The following CCDC9 variants were observed in gnomAD, a reference collection of about 807,000 sequenced individuals.
CCDC9 encodes the protein coiled-coil domain-containing protein 9.
A neutral mutation model predicts 65.6 loss-of-function variants in CCDC9; 52 were observed. That is an observed-to-expected ratio of 0.79 (90% CI 0.63 to 1.00). The LOEUF is 1.00. Among genes scored for constraint, CCDC9 ranks in the 50% least tolerant of loss-of-function variants. CCDC9 has a pLI of 0.00. For synonymous variants in CCDC9, 332 were observed against 280.3 expected (o/e 1.18, Z -1.84); for missense variants, 834 against 757.2 (o/e 1.10, Z -1.19).
chr19:47,272,022 A>G, downstream of CCDC9: 1 of 1,236,464 alleles, frequency 8.1e-7, no homozygotes, highest in Admixed American at 4.1e-5. Flanking sequence ...TGGGGTGGGG[A>G]GATGTCAGGC....
Position 47,270,465 on chromosome 19 carries a change from C to T in CCDC9, c.949+12C>T. The stretch of plus-strand genomic sequence containing the variant: ...ATCCCACCGCTATGGTGAGTGGGTG[C>T]CCTTGGATGAGCTGAGGCTCGGTCT... On this transcript the variant is annotated intron_variant, in intron 9 of 11. Transcript: ENST00000221922. 6.2e-7 allele frequency: 1 copy of T among 1,614,204 alleles called. No homozygotes were observed. Among genetic ancestry groups the T allele is most frequent in the Non-Finnish European group, 8.5e-7 (1 of 1,180,014 alleles).
At chr19:47,268,873 T>G (rs939491328) in intron 8 of CCDC9, among the ~76,000 whole-genome samples, 1 of 144,286 alleles carries the variant, frequency 6.9e-6, no homozygotes, top group Non-Finnish European at 1.5e-5. Context: ...AGCCGAGATC[T>G]CACCACTGCA....
Position 47,264,804 on chromosome 19 carries a change from A to G in CCDC9, c.578A>G (p.Asn193Ser). 1 of 1,581,770 alleles carries G rather than the reference A, an allele frequency of 6.3e-7. No individual in the cohort carries two copies. Among genetic ancestry groups the G allele is most frequent in the Non-Finnish European group, 8.6e-7 (1 of 1,161,592 alleles). The change falls in exon 7 of 12, where the codon AAC becomes AGC. Residue 193 changes from asparagine to serine, a missense_variant. Physicochemically the swap from Asn to Ser is conservative, Grantham distance 46. Coordinates refer to ENST00000221922, the MANE Select transcript of CCDC9 (RefSeq NM_015603.3). ...EGVLEPNPVR[N>S]FLDDPRRRSG... ...GTTCTTGAACCCAACCCAGTGCGGA[A>G]CTTCCTGGACGACCCCCGGCGACGC...
Position 47,265,690 on chromosome 19 carries a change from G to GT in CCDC9, c.720+759dup, listed in dbSNP as rs202176403. Reference sequence around the variant, plus strand: ...CTGTTTTAGGTGCTGAGGATAAGAGGTTTTTTTTTTTTTTTGAGATGGAGT... The same window carrying GT: ...CTGTTTTAGGTGCTGAGGATAAGAGGTTTTTTTTTTTTTTTTGAGATGGAGT... On this transcript the variant is annotated intron_variant, in intron 7 of 11. Coordinates refer to ENST00000221922, the MANE Select transcript of CCDC9 (RefSeq NM_015603.3). Among the ~76,000 whole-genome samples, 500 of 142,532 alleles carry GT rather than the reference G, an allele frequency of 3.5e-3. 1 individual carries two copies. The highest frequency in any genetic ancestry group is 4.3e-3 in the Non-Finnish European group (280 of 64,754). 93.5% of individuals were successfully genotyped at this position (142,532 alleles called of 152,430 possible). A position where few individuals can be genotyped will look rare whatever the true frequency, so the allele number is the denominator to read the frequency against.
At chr19:47,266,398 G>C in intron 7 of CCDC9, 1 of 571,362 alleles carries the variant, frequency 1.8e-6, no homozygotes, top group African/African-American at 1.9e-5. Context: ...CAAGTGTTGT[G>C]GAGAAAAATC....
At chr19:47,262,614 G>A (rs916144414) in intron 5 of CCDC9, among the ~76,000 whole-genome samples, 1 of 152,168 alleles carries the variant, frequency 6.6e-6, no homozygotes, top group Non-Finnish European at 1.5e-5. Context: ...TTCACAGGAA[G>A]GGGAAAGATA....
chr19:47,266,928 A>T, intron 8 of CCDC9, 136 bp downstream of exon 8: 1 of 1,026,072 alleles, frequency 9.7e-7, no homozygotes. Flanking sequence ...GCCATGGACC[A>T]GCTGCTGGAG....
chr19:47,265,036 C>G, intron 7 of CCDC9, 90 bp downstream of exon 7: 2 of 1,149,764 alleles, frequency 1.7e-6, no homozygotes, highest in East Asian at 2.9e-5. Context: ...GCCATGGGGC[C>G]TCTCCTTTTT....
chr19:47,266,809 C>A lies in CCDC9; in HGVS notation c.902+17C>A, dbSNP rs762763043. On this transcript the variant is annotated intron_variant, in intron 8 of 11. Transcript: ENST00000221922. ...CGATGGGATGTGAGTCTCCTCCCCG[C>A]TCCTCTCCCCATGTGGCACGTTGAC... The A allele has an allele frequency of 5.5e-5, 87 of 1,594,110 alleles. 1 individual carries two copies. The South Asian group carries it at 9.2e-4, about 17-fold the overall frequency.
At chr19:47,265,195 C>T (rs1738367398) in intron 7 of CCDC9, among the ~76,000 whole-genome samples, 1 of 152,058 alleles carries the variant, frequency 6.6e-6, no homozygotes, top group African/African-American at 2.4e-5. Context: ...GCTGGGATTA[C>T]AGGCAAGTGC....
chr19:47,262,960 C>T (rs1374925429), intron 5 of CCDC9, among the ~76,000 whole-genome samples: 6 of 151,796 alleles, frequency 4.0e-5, no homozygotes, highest in African/African-American at 1.5e-4. Flanking sequence ...GTGGTGTGCC[C>T]CTGTGGTCCC....
intron 8 of CCDC9, 111 bp from the exon 9 acceptor site, chr19:47,270,296 G>GCATTCCATTCCATTCCATA: frequency 9.7e-7 from 1 of 1,028,684 alleles, no homozygotes; most frequent in South Asian, 1.4e-5. Flanking sequence ...TCCCCTGTCT[G>GCATTCCATTCCATTCCATA]GTTGACCGTC....
At chr19:47,274,825 G>A (rs1220386954), downstream of CCDC9, 25 of 854,944 alleles carry the variant, frequency 2.9e-5, no homozygotes, top group Non-Finnish European at 3.4e-5. Context: ...GGAGGCGGGC[G>A]GTTTAGAGAG....
chr19:47,270,647 G>A lies in CCDC9; in HGVS notation c.1044G>A (p.Lys348=), dbSNP rs779744692. 5.0e-6 allele frequency: 8 copies of A among 1,612,438 alleles called. No individual in the cohort carries two copies. In the Admixed American group the frequency reaches 1.3e-4, roughly 27 times the overall value. Residue 348 remains lysine, a synonymous_variant, in exon 10 of 12, where the codon AAG becomes AAA. Transcript: ENST00000221922. ...KAEASSRRRR[K]SSRPQAKAAP... is the part of the protein sequence containing the mutation. ...AGGCCAGCAGCCGCAGAAGGAGAAA[G>A]AGCAGTCGGCCCCAGGCCAAGGCAG...
chr19:47,275,024 C>G (rs1424417266), downstream of CCDC9: 2 of 1,487,426 alleles, frequency 1.3e-6, no homozygotes, highest in Non-Finnish European at 1.8e-6. Flanking sequence ...CGGTATGCGC[C>G]TACTTCCTCT....
At chr19:47,270,075 C>T (rs2059105453) in intron 8 of CCDC9, among the ~76,000 whole-genome samples, 1 of 151,482 alleles carries the variant, frequency 6.6e-6, no homozygotes, top group East Asian at 1.9e-4. Flanking sequence ...CTCAAGTGAT[C>T]CTCCCTCCTC....
At chr19:47,273,945 C>T (rs980750095), downstream of CCDC9, 1 of 982,726 alleles carries the variant, frequency 1.0e-6, no homozygotes, top group Non-Finnish European at 1.2e-6. Flanking sequence ...TCTGATCCGT[C>T]TTCCCTCCCC....
At chr19:47,258,778 G>C in intron 3 of CCDC9, 115 bp downstream of exon 3, 3 of 735,392 alleles carry the variant, frequency 4.1e-6, no homozygotes, top group Non-Finnish European at 7.2e-6. Flanking sequence ...CAGGATAAAG[G>C]CCAAAGGCCT....
downstream of CCDC9, among the ~76,000 whole-genome samples, chr19:47,272,739 G>A (rs1488001283): frequency 6.6e-6 from 1 of 152,194 alleles, no homozygotes; most frequent in Non-Finnish European, 1.5e-5. Context: ...TTTAACTGTG[G>A]CTGGGATTAG....
Sources: gnomAD v4.1 joint callset for allele counts (sites outside exome capture counted in the v4.1 genomes callset) on GRCh38, gnomAD v4.1.1 for gene constraint, MANE v1.5 for transcripts, NCBI Gene and HGNC (gene_info 2026-07-23, HGNC 2026-07-21) for gene names.